The following ADAMTS18 variants were observed in gnomAD, a reference collection of about 807,000 sequenced individuals.
ADAMTS18 encodes ADAM metallopeptidase with thrombospondin type 1 motif 18.
A neutral mutation model predicts 165.9 loss-of-function variants in ADAMTS18; 157 were observed. The observed-to-expected ratio is 0.95, with a 90% CI of 0.83 to 1.08. The LOEUF (loss-of-function observed/expected upper bound fraction) is 1.08. Ranked by LOEUF, ADAMTS18 falls within the 50% of genes least tolerant of loss-of-function variation. The probability of loss-of-function intolerance (pLI) is 0.00; values close to 1 mark genes in which losing one functional copy is unlikely to be tolerated. For synonymous variants in ADAMTS18, 782 were observed against 578.2 expected (o/e 1.35, Z -5.06); for missense variants, 2,040 against 1,534.0 (o/e 1.33, Z -5.51).
chr16:77,322,932 C>G (rs2056029659), intron 13 of ADAMTS18, among the ~76,000 whole-genome samples: 1 of 152,038 alleles, frequency 6.6e-6, no homozygotes, highest in Non-Finnish European at 1.5e-5. Flanking sequence ...TTTACTCAGT[C>G]TGTTAAGAGA....
In ADAMTS18 at chr16:77,359,269, A is replaced by G. The variant is rs553926466; in HGVS notation, c.1322+49T>C. 6.0e-6 allele frequency: 9 copies of G among 1,493,796 alleles called. No homozygotes were observed. In the African/African-American group the frequency reaches 8.2e-5, roughly 14 times the overall value. 92.5% of individuals were successfully genotyped at this position (1,493,796 alleles called of 1,614,324 possible). A position where few individuals can be genotyped will look rare whatever the true frequency, so the allele number is the denominator to read the frequency against. On this transcript the variant is annotated intron_variant, in intron 8 of 22. Coordinates refer to ENST00000282849, the MANE Select transcript of ADAMTS18 (RefSeq NM_199355.4). Reference sequence around the variant, plus strand: ...ACAACGGTTAGAGGAACACCAATGAATCACCCAACTAGTTTTCACATAAAG... The same window carrying G: ...ACAACGGTTAGAGGAACACCAATGAGTCACCCAACTAGTTTTCACATAAAG...
At chr16:77,410,807 GGTAGCTGGGA>G (rs2057452565) in intron 3 of ADAMTS18, among the ~76,000 whole-genome samples, 1 of 152,138 alleles carries the variant, frequency 6.6e-6, no homozygotes, top group South Asian at 2.1e-4. Flanking sequence ...ACTGAGTACA[GGTAGCTGGGA>G]ACCCCTTCTA....
intron 11 of ADAMTS18, among the ~76,000 whole-genome samples, chr16:77,336,407 AT>A (rs2056311601): frequency 6.6e-6 from 1 of 152,228 alleles, no homozygotes; most frequent in Non-Finnish European, 1.5e-5. Flanking sequence ...TGATTATCTT[AT>A]CATAAAATAG....
rs765252327 is a variant in ADAMTS18, at chr16:77,319,871, G to A, written c.2510C>T (p.Thr837Ile). 6.2e-7 allele frequency: 1 copy of A among 1,614,210 alleles called. No individual in the cohort carries two copies. The highest frequency in any genetic ancestry group is 1.1e-5 in the South Asian group (1 of 91,078). Reference protein sequence around the residue: ...RPERLYAPGPTNETLVFEILM... With the variant: ...RPERLYAPGPINETLVFEILM... ...TACTTCAAAGACCAGCGTCTCATTT[G>A]TGGGCCCTGGCGCGTACAGACGTTC... Residue 837 changes from threonine (T) to isoleucine (I), a missense_variant, in exon 16 of 23, where the codon ACA becomes ATA. Thr to Ile is a moderately conservative substitution (Grantham distance 89). Coordinates refer to ENST00000282849, the MANE Select transcript of ADAMTS18 (RefSeq NM_199355.4).
intron 3 of ADAMTS18, among the ~76,000 whole-genome samples, chr16:77,429,094 G>A (rs1286702729): frequency 1.3e-5 from 2 of 152,148 alleles, no homozygotes; most frequent in Non-Finnish European, 2.9e-5. Context: ...TACTAGGTAT[G>A]AGAAGAACAT....
chr16:77,288,165 G>A (rs1422950443), intron 22 of ADAMTS18, among the ~76,000 whole-genome samples: 3 of 152,120 alleles, frequency 2.0e-5, no homozygotes, highest in East Asian at 3.9e-4. Flanking sequence ...TGGACCATAC[G>A]TGCATGTTGA....
At chr16:77,310,656 G>A (rs1229179077) in intron 16 of ADAMTS18, among the ~76,000 whole-genome samples, 3 of 151,688 alleles carry the variant, frequency 2.0e-5, no homozygotes, top group Non-Finnish European at 4.4e-5. Flanking sequence ...TTTGGAGACA[G>A]GGTCTCTGTT....
Position 77,314,753 on chromosome 16 carries a change from CATATATATATATATATAT to C in ADAMTS18, c.2532+5078_2532+5095del, listed in dbSNP as rs36191323. 1.0e-3 allele frequency among the ~76,000 whole-genome samples: 38 copies of C among 36,916 alleles called. 2 individuals carry two copies. Among genetic ancestry groups the C allele is most frequent in the East Asian group, 3.9e-3 (6 of 1,540 alleles). The allele number at this position is 36,916 out of a possible 152,430, so 24.2% of individuals were successfully genotyped here. On this transcript the variant is annotated intron_variant, in intron 16 of 22. Transcript: ENST00000282849. ...GTTTGCTAAATATGGTCTCAGGTTTCATATATATATATATATATATATATATATATATAAAATATATGT... is the reference window on the plus strand; with the variant it reads ...GTTTGCTAAATATGGTCTCAGGTTTCATATATATATATATAAAATATATGT...
At chr16:77,364,726 G>C (rs1002134825) in intron 4 of ADAMTS18, among the ~76,000 whole-genome samples, 1 of 127,630 alleles carries the variant, frequency 7.8e-6, no homozygotes, top group African/African-American at 3.0e-5. Flanking sequence ...GCTCTAAAAG[G>C]AAAAAAAAAG....
intron 3 of ADAMTS18, among the ~76,000 whole-genome samples, chr16:77,428,681 A>T (rs1389527402): frequency 6.6e-6 from 1 of 152,184 alleles, no homozygotes; most frequent in African/African-American, 2.4e-5. Context: ...GAAATCTGAA[A>T]TGCTCCAAAA....
intron 16 of ADAMTS18, among the ~76,000 whole-genome samples, chr16:77,318,397 C>G (rs2055925757): frequency 6.6e-6 from 1 of 152,154 alleles, no homozygotes; most frequent in South Asian, 2.1e-4. Flanking sequence ...CCAAGTGAGC[C>G]AGGAAGACTT....
chr16:77,390,517 C>T (rs1039107343), intron 3 of ADAMTS18, among the ~76,000 whole-genome samples: 2 of 152,004 alleles, frequency 1.3e-5, no homozygotes, highest in East Asian at 1.9e-4. Flanking sequence ...TGGTGAAATG[C>T]CGTCTCTACT....
chr16:77,350,348 A>C (rs1006155000), intron 10 of ADAMTS18, among the ~76,000 whole-genome samples: 1 of 152,160 alleles, frequency 6.6e-6, no homozygotes, highest in African/African-American at 2.4e-5. Flanking sequence ...CAGAGCCTTT[A>C]CCAGGGCAGC....
intron 10 of ADAMTS18, among the ~76,000 whole-genome samples, chr16:77,347,506 G>A (rs1202901124): frequency 6.6e-6 from 1 of 152,144 alleles, no homozygotes; most frequent in African/African-American, 2.4e-5. Context: ...ATTCCAGTCA[G>A]TGTGCAGTGG....
intron 3 of ADAMTS18, among the ~76,000 whole-genome samples, chr16:77,418,180 C>G (rs561813860): frequency 6.6e-6 from 1 of 152,218 alleles, no homozygotes; most frequent in East Asian, 1.9e-4. Flanking sequence ...ATCCAATCGA[C>G]TCCCAGCCCA....
At chr16:77,302,248 A>T (rs2055598260) in intron 16 of ADAMTS18, among the ~76,000 whole-genome samples, 1 of 152,230 alleles carries the variant, frequency 6.6e-6, no homozygotes, top group South Asian at 2.1e-4. Flanking sequence ...TTGTGAGAGC[A>T]GTTTTACATT....
At chr16:77,344,478 G>A (rs2056446471) in intron 10 of ADAMTS18, among the ~76,000 whole-genome samples, 1 of 152,180 alleles carries the variant, frequency 6.6e-6, no homozygotes, top group South Asian at 2.1e-4. Flanking sequence ...ATCAATGTGG[G>A]TAAGAGAGCC....
intron 16 of ADAMTS18, among the ~76,000 whole-genome samples, chr16:77,305,995 T>A (rs2055674951): frequency 1.3e-5 from 2 of 152,184 alleles, no homozygotes; most frequent in Non-Finnish European, 2.9e-5. Context: ...ATGCTCAGGG[T>A]ACAGGAGCAC....
intron 10 of ADAMTS18, among the ~76,000 whole-genome samples, chr16:77,352,345 T>C (rs12597837): frequency 0.087 from 13,213 of 152,184 alleles, 780 homozygotes; most frequent in East Asian, 0.25. Context: ...GACTGAAGTT[T>C]AGGAAACACT....
Sources: allele counts gnomAD v4.1 joint callset (sites outside exome capture counted in the v4.1 genomes callset), GRCh38; gene constraint gnomAD v4.1.1; transcripts MANE v1.5; gene names NCBI Gene and HGNC (gene_info 2026-07-23, HGNC 2026-07-21).